CAMTA1: variants seen among roughly 807,000 people sequenced by gnomAD.
CAMTA1 encodes the protein calmodulin-binding transcription activator 1.
Under a neutral mutation model 170.9 loss-of-function variants are expected in CAMTA1, and 27 were observed. The observed-to-expected ratio is 0.16, with a 90% confidence interval of 0.12 to 0.22. The LOEUF is 0.22. Among genes scored for constraint, CAMTA1 ranks in the 10% least tolerant of loss-of-function variants. The pLI is 1.00. For missense variants in CAMTA1, 1,619 were observed against 2,217.2 expected (o/e 0.73, Z 5.42); for synonymous variants, 833 against 891.5 (o/e 0.93, Z 1.17).
chr1:7,055,602 A>C (rs1190074512), intron 3 of CAMTA1, among the ~76,000 whole-genome samples: 2 of 152,208 alleles, frequency 1.3e-5, no homozygotes, highest in Non-Finnish European at 2.9e-5. Flanking sequence ...TGCCATGGGA[A>C]GTGACAGTGG....
At chr1:7,436,423 C>T (rs2092349529) in intron 5 of CAMTA1, among the ~76,000 whole-genome samples, 1 of 152,198 alleles carries the variant, frequency 6.6e-6, no homozygotes, top group South Asian at 2.1e-4. Context: ...TGGAGGGGTG[C>T]TTCTGTCCTA....
intron 4 of CAMTA1, among the ~76,000 whole-genome samples, chr1:7,239,295 G>A (rs537133258): frequency 2.0e-5 from 3 of 152,190 alleles, no homozygotes; most frequent in Admixed American, 6.5e-5. Flanking sequence ...TCAACATTTC[G>A]GTTGTTTCAC....
Position 7,670,776 on chromosome 1 carries a change from G to A in CAMTA1, c.2653-135G>A, listed in dbSNP as rs2096053833. Reference sequence around the variant, plus strand: ...GTCGGGGCTCACTGCAATCCCTGGAGTGAGGGCCTGGGAATCTGCATGGGG... The same window carrying A: ...GTCGGGGCTCACTGCAATCCCTGGAATGAGGGCCTGGGAATCTGCATGGGG... On this transcript the variant is annotated intron_variant, in intron 9 of 22. Transcript: ENST00000303635. 2.1e-5 allele frequency: 20 copies of A among 969,736 alleles called. No individual in the cohort carries two copies. In the South Asian group the frequency reaches 2.9e-4, roughly 14 times the overall value. 60.1% of individuals were successfully genotyped at this position (969,736 alleles called of 1,614,324 possible). A position where few individuals can be genotyped will look rare whatever the true frequency, so the allele number is the denominator to read the frequency against.
chr1:6,819,313 TAA>T (rs1557622373), intron 1 of CAMTA1, among the ~76,000 whole-genome samples: 4 of 152,190 alleles, frequency 2.6e-5, no homozygotes, highest in East Asian at 1.9e-4. Context: ...TCTTTTTTTT[TAA>T]AAAGTTACCG....
chr1:6,867,826 G>T (rs1290068938), intron 3 of CAMTA1, among the ~76,000 whole-genome samples: 3 of 151,382 alleles, frequency 2.0e-5, no homozygotes, highest in South Asian at 2.1e-4. Context: ...CTCCCCCAGA[G>T]ACTGGGTCTT....
chr1:7,226,693 C>T (rs1198973178), intron 4 of CAMTA1, among the ~76,000 whole-genome samples: 1 of 152,136 alleles, frequency 6.6e-6, no homozygotes, highest in Non-Finnish European at 1.5e-5. Flanking sequence ...CCATGCATTC[C>T]ATTTTGCAAT....
At chr1:7,473,060 A>C (rs2093360807) in intron 6 of CAMTA1, among the ~76,000 whole-genome samples, 1 of 152,170 alleles carries the variant, frequency 6.6e-6, no homozygotes, top group Admixed American at 6.5e-5. Context: ...CCAGGTTCAC[A>C]GGGGAGAGAT....
At chr1:7,451,493 G>A (rs768388141) in intron 5 of CAMTA1, among the ~76,000 whole-genome samples, 5 of 152,162 alleles carry the variant, frequency 3.3e-5, no homozygotes, top group African/African-American at 4.8e-5. Flanking sequence ...GAAGCCCCAG[G>A]TCCCTCCTGA....
At chr1:7,491,666 A>T (rs1418479193) in intron 6 of CAMTA1, among the ~76,000 whole-genome samples, 1 of 152,248 alleles carries the variant, frequency 6.6e-6, no homozygotes, top group Non-Finnish European at 1.5e-5. Context: ...GGCTTGTTAA[A>T]GGAAATGGTA....
intron 6 of CAMTA1, among the ~76,000 whole-genome samples, chr1:7,501,731 C>A (rs2094009142): frequency 6.6e-6 from 1 of 152,092 alleles, no homozygotes; most frequent in African/African-American, 2.4e-5. Context: ...CCACTGTGGG[C>A]TCTTCTGCTG....
chr1:7,304,597 CT>C (rs71582093), intron 5 of CAMTA1, among the ~76,000 whole-genome samples: 42,708 of 141,724 alleles, frequency 0.3, 6,643 homozygotes, highest in East Asian at 0.56. Context: ...GTTATCAAAG[CT>C]TTTTTTTTTT....
chr1:7,155,152 C>G (rs535100726), intron 4 of CAMTA1, among the ~76,000 whole-genome samples: 1 of 152,046 alleles, frequency 6.6e-6, no homozygotes, highest in African/African-American at 2.4e-5. Flanking sequence ...AAGCCTGTGC[C>G]GGGGCAGCAG....
intron 5 of CAMTA1, among the ~76,000 whole-genome samples, chr1:7,296,912 G>A (rs1236795695): frequency 6.6e-6 from 1 of 152,084 alleles, no homozygotes; most frequent in East Asian, 1.9e-4. Context: ...AGCCAGCAAA[G>A]GAAATGGAGA....
chr1:6,922,160 T>C (rs926934577), intron 3 of CAMTA1, among the ~76,000 whole-genome samples: 1 of 152,238 alleles, frequency 6.6e-6, no homozygotes, highest in African/African-American at 2.4e-5. Flanking sequence ...TCCCCCTTTT[T>C]CCTTATTTCT....
chr1:7,202,830 A>G (rs1025690769), intron 4 of CAMTA1, among the ~76,000 whole-genome samples: 5 of 152,180 alleles, frequency 3.3e-5, no homozygotes, highest in African/African-American at 9.7e-5. Context: ...CTGTGAATAT[A>G]GTTTTATTTC....
At chr1:7,051,111 C>T (rs762056329) in intron 3 of CAMTA1, among the ~76,000 whole-genome samples, 2 of 152,128 alleles carry the variant, frequency 1.3e-5, no homozygotes, top group African/African-American at 2.4e-5. Context: ...TCTGGAGACA[C>T]GGTGAACAAT....
At chr1:7,515,088 C>T (rs1053404212) in intron 6 of CAMTA1, among the ~76,000 whole-genome samples, 1 of 149,902 alleles carries the variant, frequency 6.7e-6, no homozygotes, top group African/African-American at 2.5e-5. Context: ...CTCCCCGGCT[C>T]CCTCCACCTG....
intron 3 of CAMTA1, among the ~76,000 whole-genome samples, chr1:6,972,832 C>CTTTCCT (rs147160235): frequency 1.1e-4 from 16 of 151,986 alleles, no homozygotes; most frequent in South Asian, 2.1e-4. Context: ...CAGATTTTTC[C>CTTTCCT]TTTCCTTTTC....
intron 4 of CAMTA1, among the ~76,000 whole-genome samples, chr1:7,115,568 G>A (rs1178928722): frequency 8.1e-6 from 1 of 123,390 alleles, no homozygotes; most frequent in Non-Finnish European, 1.7e-5. Context: ...AGCTGATGAT[G>A]TTGTTCCAGT....
Sources: gnomAD v4.1 joint callset for allele counts (sites outside exome capture counted in the v4.1 genomes callset) on GRCh38, gnomAD v4.1.1 for gene constraint, MANE v1.5 for transcripts, NCBI Gene and HGNC (gene_info 2026-07-23, HGNC 2026-07-21) for gene names.